Variants in ATP8A2 observed in about 807,000 individuals in gnomAD.
ATP8A2 encodes phospholipid-transporting ATPase IB.
In ATP8A2, 100 loss-of-function variants were observed where a neutral mutation model predicts 165.6. The observed-to-expected ratio is 0.60, with a 90% CI of 0.51 to 0.71. ATP8A2 has a LOEUF of 0.71. Ranked by LOEUF, ATP8A2 falls within the 30% of genes least tolerant of loss-of-function variation. The pLI is 0.00. For synonymous variants in ATP8A2, 543 were observed against 548.8 expected, an observed-to-expected ratio of 0.99 and a Z score of 0.15; for missense variants, 1,227 against 1,479.5, an observed-to-expected ratio of 0.83 and a Z score of 2.80.
rs939967578 is a variant in ATP8A2, at chr13:25,883,047, G to A, written c.3183+20639G>A. ...AATTCACACTGTACCTATTCTCTAT[G>A]AGAAACCGAAACCAAGTCCTAGTGA... On this transcript the variant is annotated intron_variant, in intron 33 of 36. Transcript: ENST00000381655. Among the ~76,000 whole-genome samples, 9 of 152,056 alleles carry A rather than the reference G, an allele frequency of 5.9e-5. No individual in the cohort carries two copies. In the South Asian group the frequency reaches 1.9e-3, roughly 32 times the overall value.
intron 28 of ATP8A2, among the ~76,000 whole-genome samples, chr13:25,836,090 T>C (rs1951595933): frequency 6.6e-6 from 1 of 152,200 alleles, no homozygotes. Context: ...AACAGGGGAC[T>C]TCTGTATCAT....
chr13:25,432,584 G>A (rs1349158130), intron 1 of ATP8A2, among the ~76,000 whole-genome samples: 2 of 152,126 alleles, frequency 1.3e-5, no homozygotes, highest in Admixed American at 6.5e-5. Flanking sequence ...AGGGCTCAGA[G>A]CTCCTAGGCA....
At chr13:25,839,902 A>G (rs1951714948) in intron 30 of ATP8A2, among the ~76,000 whole-genome samples, 1 of 152,164 alleles carries the variant, frequency 6.6e-6, no homozygotes, top group South Asian at 2.1e-4. Context: ...TGAGTCAGAG[A>G]TCTTCAAGGA....
At chr13:26,018,263 T>C (rs1241437610) in intron 36 of ATP8A2, among the ~76,000 whole-genome samples, 1 of 152,260 alleles carries the variant, frequency 6.6e-6, no homozygotes, top group Non-Finnish European at 1.5e-5. Context: ...CTCTCAGTTA[T>C]GGGAACACAC....
chr13:25,905,674 T>A (rs1886968), intron 33 of ATP8A2, among the ~76,000 whole-genome samples: 150,545 of 152,142 alleles, frequency 0.99, 74,501 homozygotes, highest in Middle Eastern at 1. Flanking sequence ...TGCAATCTAC[T>A]CTCCAGCCTC....
Position 25,929,577 on chromosome 13 carries a change from G to A in ATP8A2, c.3184-31998G>A, listed in dbSNP as rs77816487. On this transcript the variant is annotated intron_variant, in intron 33 of 36. Coordinates refer to ENST00000381655, the MANE Select transcript of ATP8A2 (RefSeq NM_016529.6). ...AAGATTTTCAAAAAACCTTGCCAGC[G>A]GCCGGGCTCAGTGGCTCATGCCAGT... Among the ~76,000 whole-genome samples the A allele has an allele frequency of 9.7e-3, 1,479 of 152,240 alleles. 21 individuals are homozygous for A. The highest frequency in any genetic ancestry group is 0.034 in the African/African-American group (1,398 of 41,530).
intron 1 of ATP8A2, among the ~76,000 whole-genome samples, chr13:25,452,389 T>G (rs573846799): frequency 1.2e-4 from 18 of 152,224 alleles, no homozygotes; most frequent in African/African-American, 4.3e-4. Flanking sequence ...ACCAAAATAC[T>G]TTTTTTTCTA....
At chr13:25,597,324 G>C (rs1422742020) in intron 24 of ATP8A2, among the ~76,000 whole-genome samples, 1 of 152,180 alleles carries the variant, frequency 6.6e-6, no homozygotes, top group Non-Finnish European at 1.5e-5. Flanking sequence ...CCTTGAGTGT[G>C]TGTGGAACCT....
intron 25 of ATP8A2, among the ~76,000 whole-genome samples, chr13:25,730,354 C>G (rs903893331): frequency 2.0e-5 from 3 of 152,168 alleles, no homozygotes; most frequent in Non-Finnish European, 4.4e-5. Flanking sequence ...ATGTCTTCAA[C>G]TCTATCAAGT....
chr13:25,604,083 G>C (rs1392410633), intron 24 of ATP8A2, among the ~76,000 whole-genome samples: 1 of 151,884 alleles, frequency 6.6e-6, no homozygotes, highest in Admixed American at 6.6e-5. Flanking sequence ...TGAGAGAGGA[G>C]AGGCAGCAAA....
intron 33 of ATP8A2, among the ~76,000 whole-genome samples, chr13:25,940,207 C>A (rs1566287068): frequency 6.6e-6 from 1 of 152,102 alleles, no homozygotes; most frequent in South Asian, 2.1e-4. Context: ...GCCTTCTGCT[C>A]ACCACAGAGA....
At chr13:25,381,235 G>A (rs555843931) in intron 1 of ATP8A2, among the ~76,000 whole-genome samples, 5 of 152,272 alleles carry the variant, frequency 3.3e-5, no homozygotes, top group South Asian at 2.1e-4. Context: ...ACCAGTGGGC[G>A]TCTCAGCAGC....
intron 33 of ATP8A2, among the ~76,000 whole-genome samples, chr13:25,888,652 G>A (rs931190234): frequency 6.6e-6 from 1 of 152,190 alleles, no homozygotes; most frequent in African/African-American, 2.4e-5. Context: ...CTGAGGTCAG[G>A]AGTTAGAGAC....
At chr13:25,605,169 G>C (rs34839885) in intron 24 of ATP8A2, among the ~76,000 whole-genome samples, 18,787 of 152,124 alleles carry the variant, frequency 0.12, 3,143 homozygotes, top group African/African-American at 0.37. Context: ...AAGTTCCTTC[G>C]TCAGTGAACT....
At chr13:25,690,341 G>A (rs2042697921) in intron 24 of ATP8A2, among the ~76,000 whole-genome samples, 1 of 151,802 alleles carries the variant, frequency 6.6e-6, no homozygotes. Flanking sequence ...CTCTAACACT[G>A]CATGGGATGC....
intron 1 of ATP8A2, among the ~76,000 whole-genome samples, chr13:25,414,011 G>T (rs538314915): frequency 7.2e-5 from 11 of 151,906 alleles, no homozygotes; most frequent in Non-Finnish European, 1.3e-4. Flanking sequence ...GCCATGTGGG[G>T]TGATGATGAT....
At position 25,578,917 on chromosome 13, in the gene ATP8A2, A is replaced by G; in HGVS notation, c.1867+18A>G. 6.4e-7 allele frequency: 1 copy of G among 1,557,570 alleles called. No homozygotes were observed. The highest frequency in any genetic ancestry group is 8.9e-7 in the Non-Finnish European group (1 of 1,129,070). Reference sequence around the variant, plus strand: ...CACGGAAGGTAAGTGGAATTTGGAAATGCTGTTTTTGGCCATTGGAGCTGT... The same window carrying G: ...CACGGAAGGTAAGTGGAATTTGGAAGTGCTGTTTTTGGCCATTGGAGCTGT... On this transcript the variant is annotated intron_variant, in intron 21 of 36. Transcript: ENST00000381655.
At chr13:25,905,884 G>A (rs1254186937) in intron 33 of ATP8A2, among the ~76,000 whole-genome samples, 1 of 152,180 alleles carries the variant, frequency 6.6e-6, no homozygotes, top group East Asian at 1.9e-4. Flanking sequence ...GAAAGCCTGA[G>A]GCCACGGAAA....
intron 33 of ATP8A2, among the ~76,000 whole-genome samples, chr13:25,911,960 G>T (rs1045806647): frequency 9.2e-5 from 14 of 152,098 alleles, no homozygotes; most frequent in African/African-American, 3.1e-4. Context: ...ACTATATGGA[G>T]GTTCCTTAAA....
Sources: gnomAD v4.1 joint callset for allele counts (sites outside exome capture counted in the v4.1 genomes callset) on GRCh38, gnomAD v4.1.1 for gene constraint, MANE v1.5 for transcripts, NCBI Gene and HGNC (gene_info 2026-07-23, HGNC 2026-07-21) for gene names.